SOS1: variants seen among roughly 807,000 people sequenced by gnomAD.
SOS1 encodes son of sevenless homolog 1.
A neutral mutation model predicts 157.6 loss-of-function variants in SOS1; 25 were observed. The observed-to-expected ratio is 0.16, with a 90% CI of 0.12 to 0.22. The LOEUF (loss-of-function observed/expected upper bound fraction) is 0.22. SOS1 is among the 10% of genes least tolerant of loss of function. SOS1 has a pLI of 1.00. For missense variants in SOS1, 1,237 were observed against 1,599.1 expected (o/e 0.77, Z 3.86); for synonymous variants, 528 against 534.0 (o/e 0.99, Z 0.16).
chr2:39,089,178 C>A (rs543461289), intron 1 of SOS1, among the ~76,000 whole-genome samples: 1 of 152,096 alleles, frequency 6.6e-6, no homozygotes. Context: ...AGGCAGCCCT[C>A]AAAATAGGGA....
chr2:39,085,717 T>C (rs773278824), intron 1 of SOS1, among the ~76,000 whole-genome samples: 5 of 152,128 alleles, frequency 3.3e-5, no homozygotes, highest in Admixed American at 6.5e-5. Context: ...TTGTAGACAA[T>C]AAAACGGTCA....
intron 2 of SOS1, among the ~76,000 whole-genome samples, chr2:39,064,742 A>ATTTTTTTTTTTTTTTTTTT (rs4015841): frequency 2.7e-5 from 2 of 74,816 alleles, no homozygotes; most frequent in Non-Finnish European, 2.3e-5. Flanking sequence ...TTTAAAATAC[A>ATTTTTTTTTTTTTTTTTTT]TTTTTTTTTT....
chr2:39,059,192 AATT>A, intron 2 of SOS1, among the ~76,000 whole-genome samples: 1 of 152,186 alleles, frequency 6.6e-6, no homozygotes, highest in East Asian at 1.9e-4. Context: ...TTTCAGTGGT[AATT>A]ACATGCAGCA....
intron 2 of SOS1, among the ~76,000 whole-genome samples, chr2:39,067,165 C>A (rs1671615332): frequency 6.6e-6 from 1 of 152,124 alleles, no homozygotes. Context: ...CACATGCCAC[C>A]ATGCCTAGCT....
At position 38,985,723 on chromosome 2, in the gene SOS1, T is replaced by G; in HGVS notation, c.*101A>C. The G allele has an allele frequency of 1.6e-6, 2 of 1,282,610 alleles. No individual in the cohort carries two copies. The highest frequency in any genetic ancestry group is 2.3e-6 in the Non-Finnish European group (2 of 886,438). The allele number at this position is 1,282,610 out of a possible 1,614,324, so 79.5% of individuals were successfully genotyped here. On this transcript the variant is annotated 3_prime_UTR_variant, in exon 23 of 23. Transcript: ENST00000402219. Reference sequence around the variant, plus strand: ...ATCTTGAAGAAGAGTCGTTAGTGTTTGGAGTTCTCATTTTAACTCCTCAGT... The same window carrying G: ...ATCTTGAAGAAGAGTCGTTAGTGTTGGGAGTTCTCATTTTAACTCCTCAGT...
intron 20 of SOS1, chr2:38,992,886 T>C (rs1180591103): frequency 6.6e-6 from 1 of 152,146 alleles, no homozygotes; most frequent in Non-Finnish European, 1.5e-5. Flanking sequence ...GGGAATCTTT[T>C]TTTACTTGGT....
In SOS1 at chr2:39,120,408, C is replaced by T; in HGVS notation, c.15G>A (p.Gln5=). 6.3e-7 allele frequency: 1 copy of T among 1,593,792 alleles called. No individual in the cohort carries two copies. The highest frequency in any genetic ancestry group is 8.5e-7 in the Non-Finnish European group (1 of 1,171,962). Residue 5 remains glutamine (Q), a synonymous_variant, in exon 1 of 23, where the codon CAG becomes CAA. Coordinates refer to ENST00000402219, the MANE Select transcript of SOS1 (RefSeq NM_005633.4). ...CTTCGCTGAAAAACTCGTAGGGCAG[C>T]TGCTGCGCCTGCATGGTGCCCCCGG... is the stretch of plus-strand genomic sequence containing the variant. MQAQ[Q]LPYEFFSEEN...
intron 1 of SOS1, among the ~76,000 whole-genome samples, chr2:39,110,549 T>TA (rs558283271): frequency 0.069 from 8,783 of 127,262 alleles, 306 homozygotes; most frequent in Non-Finnish European, 0.099. Context: ...CAAGGAGCAA[T>TA]AAAAAAAAAA....
In SOS1 at chr2:39,120,483, C is replaced by T. The variant is rs1673832943; in HGVS notation, c.-61G>A. 3 of 1,435,026 alleles carry T rather than the reference C, an allele frequency of 2.1e-6. No individual in the cohort carries two copies. The highest frequency in any genetic ancestry group is 2.7e-6 in the Non-Finnish European group (3 of 1,090,920). 88.9% of individuals were successfully genotyped at this position (1,435,026 alleles called of 1,614,324 possible). ...CGGCGGCGGCCGGGCCAGGGAGCCG[C>T]GAGAGGGCGAGCTCGCAGCGCGGAA... On this transcript the variant is annotated 5_prime_UTR_variant, in exon 1 of 23. Coordinates refer to ENST00000402219, the MANE Select transcript of SOS1 (RefSeq NM_005633.4).
chr2:39,053,825 A>C (rs1010722456), intron 5 of SOS1, among the ~76,000 whole-genome samples: 2 of 152,104 alleles, frequency 1.3e-5, no homozygotes, highest in African/African-American at 4.8e-5. Flanking sequence ...TGTGCTCCCA[A>C]TACTACTGCT....
chr2:39,062,441 A>AT (rs1000206178), intron 2 of SOS1, among the ~76,000 whole-genome samples: 2 of 150,214 alleles, frequency 1.3e-5, no homozygotes, highest in Admixed American at 6.6e-5. Flanking sequence ...AAATTAAAAA[A>AT]AAAAAGAAAA....
chr2:39,007,718 C>T (rs1669325542), intron 15 of SOS1, among the ~76,000 whole-genome samples: 1 of 152,236 alleles, frequency 6.6e-6, no homozygotes, highest in South Asian at 2.1e-4. Context: ...TACTTTTGCA[C>T]CAACCTAATA....
intron 2 of SOS1, among the ~76,000 whole-genome samples, chr2:39,059,369 C>A (rs1335363085): frequency 6.6e-6 from 1 of 152,158 alleles, no homozygotes; most frequent in Non-Finnish European, 1.5e-5. Flanking sequence ...TAACAAAATA[C>A]TTCAATTTAA....
intron 1 of SOS1, among the ~76,000 whole-genome samples, chr2:39,087,002 G>A (rs1212552928): frequency 6.6e-6 from 1 of 152,044 alleles, no homozygotes; most frequent in Non-Finnish European, 1.5e-5. Context: ...TAGTAGAGAC[G>A]GGGTTTTGCC....
At chr2:39,106,593 A>AAAAAG in intron 1 of SOS1, among the ~76,000 whole-genome samples, 1 of 37,268 alleles carries the variant, frequency 2.7e-5, no homozygotes, top group African/African-American at 5.8e-5. Context: ...TCCGTCTCAA[A>AAAAAG]AAAAAAAACA....
chr2:39,041,623 T>C (rs1670574752), intron 6 of SOS1, among the ~76,000 whole-genome samples: 1 of 152,258 alleles, frequency 6.6e-6, no homozygotes, highest in South Asian at 2.1e-4. Context: ...AGACCTGTTT[T>C]CTTCCAAGAG....
At chr2:39,056,385 C>A (rs1671212162) in intron 4 of SOS1, among the ~76,000 whole-genome samples, 1 of 151,866 alleles carries the variant, frequency 6.6e-6, no homozygotes, top group African/African-American at 2.4e-5. Context: ...CCACTGCACT[C>A]CAGCCTGGGC....
intron 6 of SOS1, among the ~76,000 whole-genome samples, chr2:39,044,849 CAT>C (rs771476816): frequency 2.8e-5 from 2 of 70,316 alleles, no homozygotes; most frequent in East Asian, 7.0e-4. Context: ...TGTACACACA[CAT>C]GCGCGCGCGC....
At chr2:39,057,871 C>T (rs1461229061) in intron 3 of SOS1, among the ~76,000 whole-genome samples, 3 of 136,164 alleles carry the variant, frequency 2.2e-5, no homozygotes, top group Non-Finnish European at 4.7e-5. Flanking sequence ...TGGACAACAT[C>T]AAGCAAACCT....
Sources: gnomAD v4.1 joint callset for allele counts (sites outside exome capture counted in the v4.1 genomes callset) on GRCh38, gnomAD v4.1.1 for gene constraint, MANE v1.5 for transcripts, NCBI Gene and HGNC (gene_info 2026-07-23, HGNC 2026-07-21) for gene names.